Variants in BANP observed in about 807,000 individuals in gnomAD.
BANP encodes protein BANP.
Under a neutral mutation model 68.1 loss-of-function variants are expected in BANP, and 11 were observed. The ratio of observed to expected loss-of-function variants is 0.16; its 90% CI spans 0.10 to 0.27. The LOEUF is 0.27. Among genes scored for constraint, BANP ranks in the 10% least tolerant of loss-of-function variants. The pLI is 1.00. For missense variants in BANP, 504 were observed against 722.7 expected (o/e 0.70, Z 3.47); for synonymous variants, 329 against 303.2 (o/e 1.09, Z -0.88).
Position 88,009,169 on chromosome 16 carries a change from C to G in BANP, c.655+2904C>G, listed in dbSNP as rs192671052. Among the ~76,000 whole-genome samples, 7 of 152,294 alleles carry G rather than the reference C, an allele frequency of 4.6e-5. No individual in the cohort carries two copies. The East Asian group carries it at 1.3e-3, about 29-fold the overall frequency. On this transcript the variant is annotated intron_variant, in intron 6 of 13. Transcript: ENST00000682872. ...ACTTCCATGGGGGGTGCGAATGTGC[C>G]GAGAATGGGGCCAGCATCTTCCTGC...
At chr16:87,984,414 GT>G (rs1167459220) in intron 4 of BANP, among the ~76,000 whole-genome samples, 155 bp downstream of exon 4, 1 of 152,234 alleles carries the variant, frequency 6.6e-6, no homozygotes, top group Non-Finnish European at 1.5e-5. Context: ...CTGACTTTTA[GT>G]TAGACCGAAA....
intron 6 of BANP, among the ~76,000 whole-genome samples, chr16:88,009,842 T>C (rs2072518715): frequency 6.8e-6 from 1 of 147,580 alleles, no homozygotes; most frequent in Non-Finnish European, 1.5e-5. Context: ...GGACAGTAGC[T>C]CCTGACTGTT....
chr16:88,074,201 C>T (rs1286894239), intron 13 of BANP, among the ~76,000 whole-genome samples: 1 of 145,676 alleles, frequency 6.9e-6, no homozygotes, highest in Non-Finnish European at 1.5e-5. Flanking sequence ...CCTCCTTATC[C>T]ACATGAAGCC....
intron 11 of BANP, among the ~76,000 whole-genome samples, chr16:88,048,153 A>G (rs1291299067): frequency 4.6e-5 from 7 of 152,248 alleles, no homozygotes; most frequent in Non-Finnish European, 8.8e-5. Context: ...ATTTTGGTAT[A>G]TCATATAGGG....
intron 6 of BANP, among the ~76,000 whole-genome samples, chr16:88,017,712 C>T (rs1175909678): frequency 6.6e-6 from 1 of 152,202 alleles, no homozygotes; most frequent in East Asian, 1.9e-4. Flanking sequence ...GCTTTGCAGG[C>T]AACCTCAGGC....
chr16:88,069,867 A>T (rs1402598020), intron 12 of BANP, among the ~76,000 whole-genome samples: 1 of 152,096 alleles, frequency 6.6e-6, no homozygotes, highest in African/African-American at 2.4e-5. Flanking sequence ...AGTAAAAATT[A>T]TACTGAGTGT....
chr16:87,983,822 A>G (rs535542670), intron 3 of BANP, among the ~76,000 whole-genome samples: 2,093 of 152,312 alleles, frequency 0.014, 40 homozygotes, highest in African/African-American at 0.044. Context: ...AACTGCACGT[A>G]GAAGTGAAAC....
In BANP at chr16:88,027,420, A is replaced by G. The variant is rs544159675; in HGVS notation, c.896-63A>G. 61 of 1,592,394 alleles carry G rather than the reference A, an allele frequency of 3.8e-5. No homozygotes were observed. In the Middle Eastern group the frequency reaches 6.7e-4, roughly 18 times the overall value. On this transcript the variant is annotated intron_variant, in intron 7 of 13. Transcript: ENST00000682872. ...TTCAGCGGGCCCCGGCCCTGCAGCC[A>G]GGCAGCTCCTGGTGGCTGTCCCGAA...
chr16:88,059,232 G>GT (rs2086021477), intron 11 of BANP, among the ~76,000 whole-genome samples: 1 of 130,620 alleles, frequency 7.7e-6, no homozygotes, highest in African/African-American at 2.8e-5. Flanking sequence ...AGGCTCTGCT[G>GT]TAAGGGCAGG....
intron 4 of BANP, among the ~76,000 whole-genome samples, chr16:87,999,033 T>A (rs747109445): frequency 6.0e-5 from 3 of 50,342 alleles, no homozygotes; most frequent in African/African-American, 1.7e-4. Context: ...CACGCACGTG[T>A]GCGGCTGTAC....
At position 88,002,617 on chromosome 16, in the gene BANP, G is replaced by A. The variant is rs2069725783; in HGVS notation, c.363-1678G>A. Among the ~76,000 whole-genome samples, 1 of 152,150 alleles carries A rather than the reference G, an allele frequency of 6.6e-6. No individual in the cohort carries two copies. Among genetic ancestry groups the A allele is most frequent in the African/African-American group, 2.4e-5 (1 of 41,452 alleles). On this transcript the variant is annotated intron_variant, in intron 4 of 13. Coordinates refer to ENST00000682872, the MANE Select transcript of BANP (RefSeq NM_001386991.1). This position sits in a 1 kb window ranked among gnomAD's most constrained non-coding sequence, Gnocchi z 4.6. The stretch of plus-strand genomic sequence containing the variant: ...GTTGCTGAGAGCTGTTTGCATCCAT[G>A]AGCCCCCCAGAAGCTGTGGGGCACC...
At position 88,047,194 on chromosome 16, in the gene BANP, G is replaced by A. The variant is rs138460461; in HGVS notation, c.1311+9183G>A. On this transcript the variant is annotated intron_variant, in intron 11 of 13. Coordinates refer to ENST00000682872, the MANE Select transcript of BANP (RefSeq NM_001386991.1). ...TTTAAAATCCCAAGCCAGAGCTCCC[G>A]GGGCTGCCAGGAGTTTGGGCTTGAT... 3.0e-3 allele frequency among the ~76,000 whole-genome samples: 460 copies of A among 152,296 alleles called. 1 individual carries two copies. Among genetic ancestry groups the A allele is most frequent in the Non-Finnish European group, 5.8e-3 (396 of 68,022 alleles).
At chr16:88,015,594 T>C (rs2152641056) in intron 6 of BANP, among the ~76,000 whole-genome samples, 1 of 152,322 alleles carries the variant, frequency 6.6e-6, no homozygotes, top group East Asian at 1.9e-4. Context: ...GCTTCCCGCT[T>C]CCCTGCTTGG....
rs546289299 is a variant in BANP at position 88,016,759 on chromosome 16, C to G, written c.656-1669C>G. 2.0e-5 allele frequency among the ~76,000 whole-genome samples: 3 copies of G among 152,208 alleles called. 1 individual carries two copies. The South Asian group carries it at 6.2e-4, about 31-fold the overall frequency. On this transcript the variant is annotated intron_variant, in intron 6 of 13. Coordinates refer to ENST00000682872, the MANE Select transcript of BANP (RefSeq NM_001386991.1). ...ATATACAGGTGGAATGTAATAGTGG[C>G]CGACCGACGGATGTTCTGAAAAAAT...
At chr16:88,053,848 A>C (rs1449536528) in intron 11 of BANP, among the ~76,000 whole-genome samples, 2 of 138,802 alleles carry the variant, frequency 1.4e-5, no homozygotes. Flanking sequence ...AACAACCACT[A>C]CCACCCCCAC....
chr16:88,076,751 CGGCTGCACGTGTT>C lies in BANP; in HGVS notation c.*91_*103del, dbSNP rs2091690308. ...GCTCTCACGGCCTCGGCACAGGCAG[CGGCTGCACGTGTT>C]CTGCTGAAGTGCGTCTGAAGGCCGC... On this transcript the variant is annotated 3_prime_UTR_variant, in exon 14 of 14. Coordinates refer to ENST00000682872, the MANE Select transcript of BANP (RefSeq NM_001386991.1). 1 of 1,074,642 alleles carries C rather than the reference CGGCTGCACGTGTT, an allele frequency of 9.3e-7. No individual in the cohort carries two copies. Among genetic ancestry groups the C allele is most frequent in the African/African-American group, 1.6e-5 (1 of 62,484 alleles). 66.6% of individuals were successfully genotyped at this position (1,074,642 alleles called of 1,614,324 possible).
chr16:88,014,421 AAGTC>A (rs1027436967), intron 6 of BANP, among the ~76,000 whole-genome samples: 62 of 150,670 alleles, frequency 4.1e-4, no homozygotes, highest in African/African-American at 1.4e-3. Context: ...CTGTCATCCT[AAGTC>A]AGGGAGGTTC....
At chr16:88,001,362 G>A (rs376317565) in intron 4 of BANP, among the ~76,000 whole-genome samples, 5 of 151,578 alleles carry the variant, frequency 3.3e-5, no homozygotes, top group African/African-American at 7.3e-5. Flanking sequence ...ACGCACGTGC[G>A]TGGCTGGACT....
In BANP at chr16:88,027,460, T is replaced by C. The variant is rs1290738926; in HGVS notation, c.896-23T>C. The C allele has an allele frequency of 2.5e-6, 4 of 1,612,316 alleles. No individual in the cohort carries two copies. In the South Asian group the frequency reaches 3.3e-5, roughly 13 times the overall value. On this transcript the variant is annotated intron_variant, in intron 7 of 13. Transcript: ENST00000682872. ...GCTGTCCCGAACAGGCCTCACCGCT[T>C]CTCCTTGGATGTGTCCTTCCAGGTC... is the stretch of plus-strand genomic sequence containing the variant.
Sources: gnomAD v4.1 joint callset for allele counts (sites outside exome capture counted in the v4.1 genomes callset) on GRCh38, gnomAD v4.1.1 for gene constraint, Gnocchi (gnomAD v3.1) non-coding constraint, MANE v1.5 for transcripts, NCBI Gene and HGNC (gene_info 2026-07-23, HGNC 2026-07-21) for gene names.